Variants in RFX3 observed in about 807,000 individuals in gnomAD.
RFX3 encodes regulatory factor X3.
A neutral mutation model predicts 98.6 loss-of-function variants in RFX3; 14 were observed. That is an observed-to-expected ratio of 0.14 (90% CI 0.09 to 0.22). The LOEUF is 0.22. RFX3 is among the 10% of genes least tolerant of loss of function. RFX3 has a pLI of 1.00. For synonymous variants in RFX3, 383 were observed against 328.4 expected, an observed-to-expected ratio of 1.17 and a Z score of -1.80; for missense variants, 639 against 926.9, an observed-to-expected ratio of 0.69 and a Z score of 4.03.
chr9:3,370,887 G>C (rs1837766966), intron 2 of RFX3, among the ~76,000 whole-genome samples: 1 of 152,096 alleles, frequency 6.6e-6, no homozygotes, highest in South Asian at 2.1e-4. Flanking sequence ...GAACAGTAAT[G>C]TATTAAGTTT....
chr9:3,248,215 C>A (rs1022974886), intron 14 of RFX3, 30 bp from the exon 15 acceptor site: 1 of 1,561,768 alleles, frequency 6.4e-7, no homozygotes, highest in Non-Finnish European at 8.6e-7. Context: ...AAATATGCAG[C>A]TAACATTAGT....
chr9:3,403,606 C>G (rs1841682883), intron 1 of RFX3, among the ~76,000 whole-genome samples: 1 of 152,054 alleles, frequency 6.6e-6, no homozygotes, highest in South Asian at 2.1e-4. Flanking sequence ...TTCCTTGACT[C>G]AGAATAGATT....
chr9:3,443,961 A>G (rs1169398246), intron 1 of RFX3, among the ~76,000 whole-genome samples: 1 of 152,218 alleles, frequency 6.6e-6, no homozygotes, highest in African/African-American at 2.4e-5. Context: ...ATTCTCATAC[A>G]ATGCTGGTTG....
intron 15 of RFX3, among the ~76,000 whole-genome samples, chr9:3,239,287 G>C (rs1447762282): frequency 2.6e-5 from 4 of 152,222 alleles, no homozygotes; most frequent in African/African-American, 9.6e-5. Flanking sequence ...GTAAAACCTT[G>C]TGTTCCTTGG....
intron 1 of RFX3, among the ~76,000 whole-genome samples, chr9:3,452,676 G>A (rs1272743428): frequency 1.3e-5 from 2 of 152,098 alleles, no homozygotes; most frequent in Non-Finnish European, 2.9e-5. Context: ...GGCTGGTGTG[G>A]GAAAAAGACA....
intron 1 of RFX3, among the ~76,000 whole-genome samples, chr9:3,484,917 C>T (rs556287917): frequency 6.0e-5 from 9 of 150,578 alleles, no homozygotes; most frequent in African/African-American, 2.2e-4. Context: ...GACACCCCCC[C>T]CCACCCCATC....
chr9:3,525,162 G>A (rs1004393598), intron 1 of RFX3, among the ~76,000 whole-genome samples: 6 of 152,074 alleles, frequency 3.9e-5, no homozygotes, highest in Non-Finnish European at 7.4e-5. Flanking sequence ...AAGGGAATGG[G>A]CGGTGGGAAA....
chr9:3,288,781 ATGT>A (rs1207761994), intron 6 of RFX3, among the ~76,000 whole-genome samples: 1 of 152,096 alleles, frequency 6.6e-6, no homozygotes, highest in Non-Finnish European at 1.5e-5. Context: ...CTGTTACAAA[ATGT>A]TGTGGTAAAG....
At chr9:3,283,164 C>G (rs933598573) in intron 7 of RFX3, among the ~76,000 whole-genome samples, 6 of 151,704 alleles carry the variant, frequency 4.0e-5, no homozygotes, top group East Asian at 1.9e-4. Context: ...TTAGAAACCA[C>G]TAGCCTAGAG....
chr9:3,512,056 C>T (rs1374747536), intron 1 of RFX3, among the ~76,000 whole-genome samples: 3 of 151,838 alleles, frequency 2.0e-5, no homozygotes, highest in Non-Finnish European at 2.9e-5. Context: ...CGAAATATCC[C>T]TTAAATATAT....
intron 1 of RFX3, among the ~76,000 whole-genome samples, chr9:3,471,273 A>T (rs1191371749): frequency 2.0e-5 from 3 of 152,230 alleles, no homozygotes; most frequent in African/African-American, 7.2e-5. Context: ...CTTTGTCCTC[A>T]GAACAACCCT....
intron 1 of RFX3, among the ~76,000 whole-genome samples, chr9:3,413,503 G>C (rs1011324389): frequency 2.0e-5 from 3 of 151,996 alleles, no homozygotes; most frequent in African/African-American, 7.2e-5. Flanking sequence ...TTAGTATTTA[G>C]ATTATGCTCT....
intron 2 of RFX3, among the ~76,000 whole-genome samples, chr9:3,354,688 T>C (rs1186681704): frequency 1.3e-5 from 2 of 151,618 alleles, no homozygotes; most frequent in Non-Finnish European, 2.9e-5. Context: ...AGACAGCCAA[T>C]GAAGATAATG....
intron 1 of RFX3, among the ~76,000 whole-genome samples, chr9:3,429,673 G>A (rs372045286): frequency 2.6e-5 from 4 of 152,290 alleles, no homozygotes; most frequent in East Asian, 3.9e-4. Flanking sequence ...CACTTGCAAA[G>A]TATTTGGGCA....
In RFX3 at chr9:3,350,752, T is replaced by C. The variant is rs1001846433; in HGVS notation, c.118-3988A>G. Among the ~76,000 whole-genome samples, 14 of 152,120 alleles carry C rather than the reference T, an allele frequency of 9.2e-5. No individual in the cohort carries two copies. The East Asian group carries it at 2.5e-3, about 27-fold the overall frequency. Reference sequence around the variant, plus strand: ...TTCATTAATTCCAATAATGGAATATTATTCTGCAGTGAAAAGAAATGAACT... The same window carrying C: ...TTCATTAATTCCAATAATGGAATATCATTCTGCAGTGAAAAGAAATGAACT... On this transcript the variant is annotated intron_variant, in intron 2 of 16. Transcript: ENST00000617270.
intron 9 of RFX3, among the ~76,000 whole-genome samples, chr9:3,272,581 T>TC (rs1824641771): frequency 6.6e-6 from 1 of 152,208 alleles, no homozygotes; most frequent in Non-Finnish European, 1.5e-5. Context: ...TAGATGTCCC[T>TC]CATCCCAGCA....
chr9:3,461,706 A>C (rs1322972955), intron 1 of RFX3, among the ~76,000 whole-genome samples: 1 of 152,018 alleles, frequency 6.6e-6, no homozygotes, highest in Non-Finnish European at 1.5e-5. Context: ...CGAAAACAAA[A>C]TAATATAAGT....
chr9:3,387,306 G>A (rs1488659708), intron 2 of RFX3, among the ~76,000 whole-genome samples: 5 of 152,082 alleles, frequency 3.3e-5, no homozygotes, highest in Non-Finnish European at 5.9e-5. Context: ...TTAACATAGT[G>A]CCTGGCACAT....
At chr9:3,485,106 T>A (rs896762500) in intron 1 of RFX3, among the ~76,000 whole-genome samples, 2 of 151,956 alleles carry the variant, frequency 1.3e-5, no homozygotes, top group Non-Finnish European at 1.5e-5. Flanking sequence ...AGCAAGAGCC[T>A]ATCTCAAAAC....
Sources: gnomAD v4.1 joint callset for allele counts (sites outside exome capture counted in the v4.1 genomes callset) on GRCh38, gnomAD v4.1.1 for gene constraint, MANE v1.5 for transcripts, NCBI Gene and HGNC (gene_info 2026-07-23, HGNC 2026-07-21) for gene names.